Variants in INTS1 observed in about 807,000 individuals in gnomAD.
INTS1 encodes integrator complex subunit 1.
Under a neutral mutation model 241.6 loss-of-function variants are expected in INTS1, and 137 were observed. The observed-to-expected ratio is 0.57, with a 90% CI of 0.49 to 0.65. The LOEUF is 0.65. Ranked by LOEUF, INTS1 falls within the 30% of genes least tolerant of loss-of-function variation. INTS1 has a pLI of 0.00. For missense variants in INTS1, 3,073 were observed against 3,032.2 expected, an observed-to-expected ratio of 1.01 and a Z score of -0.32; for synonymous variants, 1,692 against 1,337.8, an observed-to-expected ratio of 1.26 and a Z score of -5.78.
In INTS1 at chr7:1,486,950, C is replaced by G; in HGVS notation, c.2798G>C (p.Ser933Thr). ...ASGEEDDEGE[S>T]KEQKAKKRQR... The stretch of plus-strand genomic sequence containing the variant: ...CCGCTTCTTGGCCTTCTGCTCCTTG[C>G]TCTCGCCCTCGTCGTCCTCCTCCCC... The change falls in exon 21 of 48, where the codon AGC becomes ACC. Residue 933 changes from serine to threonine, a missense_variant. By Grantham distance (58) the Ser-to-Thr change is moderately conservative. Transcript: ENST00000404767. 6.2e-7 allele frequency: 1 copy of G among 1,606,958 alleles called. No individual in the cohort carries two copies. The highest frequency in any genetic ancestry group is 8.5e-7 in the Non-Finnish European group (1 of 1,179,114).
chr7:1,478,239 T>C lies in INTS1; in HGVS notation c.4630+127A>G, dbSNP rs998595586. 24 of 1,090,470 alleles carry C rather than the reference T, an allele frequency of 2.2e-5. No individual in the cohort carries two copies. The African/African-American group carries it at 3.8e-4, about 17-fold the overall frequency. The allele number at this position is 1,090,470 out of a possible 1,614,324, so 67.5% of individuals were successfully genotyped here. On this transcript the variant is annotated intron_variant, in intron 33 of 47. Coordinates refer to ENST00000404767, the MANE Select transcript of INTS1 (RefSeq NM_001080453.3). ...CCTGAGCCATCTGGGAGGGGACCTCTGTGGGCACTTTCCGGGGACAGTGCT... is the reference window on the plus strand; with the variant it reads ...CCTGAGCCATCTGGGAGGGGACCTCCGTGGGCACTTTCCGGGGACAGTGCT...
Position 1,473,785 on chromosome 7 carries a change from T to C in INTS1, c.5830-92A>G, listed in dbSNP as rs1009946034. On this transcript the variant is annotated intron_variant, in intron 41 of 47. Transcript: ENST00000404767. Reference sequence around the variant, plus strand: ...CATCTGCTCCCAGAGCCTCAGGGCATGGACCCCACAGCCAACGAGCCCCCT... The same window carrying C: ...CATCTGCTCCCAGAGCCTCAGGGCACGGACCCCACAGCCAACGAGCCCCCT... 4.0e-6 allele frequency: 6 copies of C among 1,509,408 alleles called. No homozygotes were observed. In the African/African-American group the frequency reaches 8.2e-5, roughly 21 times the overall value. The allele number at this position is 1,509,408 out of a possible 1,614,324, so 93.5% of individuals were successfully genotyped here. A position where few individuals can be genotyped will look rare whatever the true frequency, so the allele number is the denominator to read the frequency against.
intron 19 of INTS1, 22 bp from the exon 20 acceptor site, chr7:1,487,471 G>C (rs377654026): frequency 1.9e-6 from 3 of 1,607,050 alleles, no homozygotes; most frequent in Non-Finnish European, 2.5e-6. Flanking sequence ...AGGGGACACG[G>C]TGCGTCAGCA....
chr7:1,471,662 G>A, intron 44 of INTS1, 21 bp from the exon 45 acceptor site: 1 of 1,610,942 alleles, frequency 6.2e-7, no homozygotes, highest in Non-Finnish European at 8.5e-7. Flanking sequence ...GAGAGGGCCA[G>A]ACCAGAACTG....
intron 40 of INTS1, 34 bp downstream of exon 40, chr7:1,474,671 G>A: frequency 6.5e-7 from 1 of 1,544,058 alleles, no homozygotes; most frequent in Non-Finnish European, 8.7e-7. Flanking sequence ...GGTTAAACCA[G>A]TGTCTGGCGA....
Position 1,482,648 on chromosome 7 carries a change from G to A in INTS1, c.3601C>T (p.Pro1201Ser). 6.2e-7 allele frequency: 1 copy of A among 1,612,800 alleles called. No homozygotes were observed. The highest frequency in any genetic ancestry group is 8.5e-7 in the Non-Finnish European group (1 of 1,179,842). Residue 1201 changes from proline (P) to serine (S), a missense_variant, in exon 27 of 48, where the codon CCC (proline) becomes TCC (serine). Coordinates refer to ENST00000404767, the MANE Select transcript of INTS1 (RefSeq NM_001080453.3). The stretch of plus-strand genomic sequence containing the variant: ...GATGTGTCCACCAGGAAGGCGGTGG[G>A]CAGTGGCTTCTCCTCCGGAAACCAG... The part of the protein sequence containing the change: ...DIWFPEEKPL[P>S]TAFLVDTSEE...
At chr7:1,504,148 G>C (rs988949070) in intron 1 of INTS1, 147 bp from the exon 2 acceptor site, 2 of 560,450 alleles carry the variant, frequency 3.6e-6, no homozygotes, top group African/African-American at 4.1e-5. Flanking sequence ...AGGAGCTGCA[G>C]GGACCCCGCC....
rs376746976 is a variant in INTS1 at position 1,485,275 on chromosome 7, G to T, written c.3156+15C>A. ...TCTCATCTTTCCCTGCCGCGGCCCC[G>T]GTCAGCGCCCTCACCTGCTGCAGGG... On this transcript the variant is annotated intron_variant, in intron 23 of 47. Coordinates refer to ENST00000404767, the MANE Select transcript of INTS1 (RefSeq NM_001080453.3). 2 of 1,601,508 alleles carry T rather than the reference G, an allele frequency of 1.2e-6. No homozygotes were observed. Among genetic ancestry groups the T allele is most frequent in the South Asian group, 2.2e-5 (2 of 90,784 alleles).
intron 28 of INTS1, 29 bp from the exon 29 acceptor site, chr7:1,480,962 G>C: frequency 6.5e-7 from 1 of 1,531,440 alleles, no homozygotes; most frequent in Non-Finnish European, 8.9e-7. Flanking sequence ...TCACACCTGG[G>C]CGCGGCCAGG....
intron 24 of INTS1, among the ~76,000 whole-genome samples, 196 bp from the exon 25 acceptor site, chr7:1,484,366 C>T (rs1274332051): frequency 2.0e-5 from 3 of 152,168 alleles, no homozygotes; most frequent in Admixed American, 1.3e-4. Context: ...AGGGAGGACA[C>T]GACTCTCACA....
chr7:1,500,133 A>C (rs757102126), intron 4 of INTS1, 37 bp downstream of exon 4: 2 of 1,579,960 alleles, frequency 1.3e-6, no homozygotes, highest in South Asian at 2.3e-5. Context: ...CAAGGGCCCC[A>C]GCGCTGCTCG....
intron 22 of INTS1, among the ~76,000 whole-genome samples, chr7:1,485,713 G>A (rs1461362902): frequency 6.6e-6 from 1 of 152,256 alleles, no homozygotes; most frequent in Non-Finnish European, 1.5e-5. Flanking sequence ...ACACCAGGCA[G>A]GCGGCAGGGT....
rs111713538 is a variant in INTS1, at chr7:1,491,717, A to T, written c.2165+1293T>A. Reference sequence around the variant, plus strand: ...GAGGTTTGAAAACAGCCTGGGCAATAAAGTGAGGCCCCATCTCTGCAAACA... The same window carrying T: ...GAGGTTTGAAAACAGCCTGGGCAATTAAGTGAGGCCCCATCTCTGCAAACA... On this transcript the variant is annotated intron_variant, in intron 16 of 47. Coordinates refer to ENST00000404767, the MANE Select transcript of INTS1 (RefSeq NM_001080453.3). 2.7e-4 allele frequency among the ~76,000 whole-genome samples: 41 copies of T among 152,286 alleles called. 1 individual carries two copies. Among genetic ancestry groups the T allele is most frequent in the African/African-American group, 9.4e-4 (39 of 41,544 alleles).
intron 6 of INTS1, 34 bp from the exon 7 acceptor site, chr7:1,499,394 T>TCCCCC: frequency 7.1e-7 from 1 of 1,400,270 alleles, no homozygotes; most frequent in Non-Finnish European, 9.7e-7. Flanking sequence ...ATGCAGCGCC[T>TCCCCC]CCCACCCGCC....
chr7:1,498,263 CG>C, intron 10 of INTS1, 148 bp downstream of exon 10: 2 of 1,236,374 alleles, frequency 1.6e-6, no homozygotes, highest in Non-Finnish European at 2.2e-6. Context: ...CTCATGCCCA[CG>C]TGAGTTTCAA....
rs372134913 is a variant in INTS1, at chr7:1,489,616, G to A, written c.2232C>T (p.Val744=). 5.5e-5 allele frequency: 88 copies of A among 1,589,390 alleles called. No individual in the cohort carries two copies. Among genetic ancestry groups the A allele is most frequent in the Middle Eastern group, 5.0e-4 (3 of 6,008 alleles). Reference sequence around the variant, plus strand: ...CGATGTTCTCTGGGTTGAATGCGGCGACGACCAGCAGGAGGGGCCAGGCCT... The same window carrying A: ...CGATGTTCTCTGGGTTGAATGCGGCAACGACCAGCAGGAGGGGCCAGGCCT... ...YWKAWPLLLV[V]AAFNPENIGL... is the part of the protein sequence containing the mutation. The change falls in exon 17 of 48, where the codon GTC becomes GTT. Residue 744 remains valine, a synonymous_variant. Coordinates refer to ENST00000404767, the MANE Select transcript of INTS1 (RefSeq NM_001080453.3).
At chr7:1,475,228 CAA>C (rs1456760184) in intron 39 of INTS1, among the ~76,000 whole-genome samples, 1 of 151,994 alleles carries the variant, frequency 6.6e-6, no homozygotes, top group Non-Finnish European at 1.5e-5. Context: ...TTCAAAAATA[CAA>C]AAAGAGTAAC....
At chr7:1,492,549 A>G (rs1448530227) in intron 16 of INTS1, among the ~76,000 whole-genome samples, 3 of 152,230 alleles carry the variant, frequency 2.0e-5, no homozygotes, top group African/African-American at 4.8e-5. Context: ...TTCTGAAAAC[A>G]TGGAATTGCA....
At chr7:1,473,533 C>A in intron 42 of INTS1, 33 bp downstream of exon 42, 1 of 1,562,008 alleles carries the variant, frequency 6.4e-7, no homozygotes, top group Admixed American at 1.9e-5. Flanking sequence ...TCGCCGGAGG[C>A]CCGAGGCTTC....
Sources: gnomAD v4.1 joint callset for allele counts (sites outside exome capture counted in the v4.1 genomes callset) on GRCh38, gnomAD v4.1.1 for gene constraint, MANE v1.5 for transcripts, NCBI Gene and HGNC (gene_info 2026-07-23, HGNC 2026-07-21) for gene names.